CLASRP: variants seen among roughly 807,000 people sequenced by gnomAD.
CLASRP encodes CLK4-associating serine/arginine rich protein.
CLASRP carries 52 observed loss-of-function variants against 99.9 expected under a neutral mutation model. That is an observed-to-expected ratio of 0.52 (90% confidence interval 0.42 to 0.66). The LOEUF (loss-of-function observed/expected upper bound fraction) is 0.66. Among genes scored for constraint, CLASRP ranks in the 30% least tolerant of loss-of-function variants. CLASRP has a pLI of 0.00. For synonymous variants in CLASRP, 379 were observed against 373.0 expected, an observed-to-expected ratio of 1.02 and a Z score of -0.18; for missense variants, 848 against 999.2, an observed-to-expected ratio of 0.85 and a Z score of 2.04.
Position 45,068,428 on chromosome 19 carries a change from G to A in CLASRP, c.1716G>A (p.Leu572=). The change falls in exon 16 of 21, where the codon CTG becomes CTA. Residue 572 remains leucine (L), a synonymous_variant. Coordinates refer to ENST00000221455, the MANE Select transcript of CLASRP (RefSeq NM_007056.3). ...GKETGAAKPK[L]TPQEKLKLRM... ...TTCTCCCCCCTCCCCAGCCCAAGCT[G>A]ACGCCTCAGGAGAAGCTGAAACTGA... 1 of 1,608,902 alleles carries A rather than the reference G, an allele frequency of 6.2e-7. No individual in the cohort carries two copies.
At position 45,059,025 on chromosome 19, in the gene CLASRP, C is replaced by T. The variant is rs563929983; in HGVS notation, c.614-243C>T. On this transcript the variant is annotated intron_variant, in intron 7 of 20. Transcript: ENST00000221455. ...TCTCTCCCTTCTCTTTCCCTCCCTCCGTTCATCTGCCCCTTCAAGCCCTGT... is the reference window on the plus strand; with the variant it reads ...TCTCTCCCTTCTCTTTCCCTCCCTCTGTTCATCTGCCCCTTCAAGCCCTGT... Among the ~76,000 whole-genome samples the T allele has an allele frequency of 3.9e-5, 6 of 152,260 alleles. No homozygotes were observed. The East Asian group carries it at 5.8e-4, about 15-fold the overall frequency.
chr19:45,054,000 T>C (rs188237518), intron 5 of CLASRP, among the ~76,000 whole-genome samples: 1 of 152,256 alleles, frequency 6.6e-6, no homozygotes, highest in South Asian at 2.1e-4. Context: ...AAATTTCTCC[T>C]TGATTTAAAT....
rs754044984 is a variant in CLASRP at position 45,067,469 on chromosome 19, T to TAGCCCC, written c.1553_1558dup (p.Pro518_Ser519dup). Reference sequence around the variant, plus strand: ...GCAGCCTGACTCGCAGCCGCAGCCATAGCCCCAGCCCCAGCCAGAGCCGCA... The same window carrying TAGCCCC: ...GCAGCCTGACTCGCAGCCGCAGCCATAGCCCCAGCCCCAGCCCCAGCCAGAGCCGCA... On this transcript the variant is annotated inframe_insertion, in exon 14 of 21. Transcript: ENST00000221455. The surrounding 1 kb of genome is among the most constrained non-coding windows in gnomAD (Gnocchi z 4.9). The TAGCCCC allele has an allele frequency of 6.4e-5, 100 of 1,556,738 alleles. No individual in the cohort carries two copies. Among genetic ancestry groups the TAGCCCC allele is most frequent in the African/African-American group, 1.4e-4 (10 of 73,020 alleles).
At chr19:45,069,977 T>A (rs376676820) in intron 18 of CLASRP, 45 bp from the exon 19 acceptor site, 16 of 1,069,072 alleles carry the variant, frequency 1.5e-5, no homozygotes, top group Non-Finnish European at 2.3e-5. Context: ...CTGAGTTCAG[T>A]GTGTCCAGTG....
At position 45,069,332 on chromosome 19, in the gene CLASRP, G is replaced by T. The variant is rs796481192; in HGVS notation, c.1874+84G>T. On this transcript the variant is annotated intron_variant, in intron 18 of 20. Coordinates refer to ENST00000221455, the MANE Select transcript of CLASRP (RefSeq NM_007056.3). ...ACCATGGGCTGCTGGCTCAAGCCCTGCCCAGCTCCCTGTGGGTGGATGAAA... is the reference window on the plus strand; with the variant it reads ...ACCATGGGCTGCTGGCTCAAGCCCTTCCCAGCTCCCTGTGGGTGGATGAAA... 106 of 1,399,206 alleles carry T rather than the reference G, an allele frequency of 7.6e-5. No individual in the cohort carries two copies. In the African/African-American group the frequency reaches 1.3e-3, roughly 17 times the overall value. The allele number at this position is 1,399,206 out of a possible 1,614,324, so 86.7% of individuals were successfully genotyped here.
rs1230768991 is a variant in CLASRP at position 45,067,225 on chromosome 19, C to A, written c.1410-112C>A. 94 of 1,240,344 alleles carry A rather than the reference C, an allele frequency of 7.6e-5. No individual in the cohort carries two copies. Among genetic ancestry groups the A allele is most frequent in the Non-Finnish European group, 9.4e-5 (87 of 925,348 alleles). 76.8% of individuals were successfully genotyped at this position (1,240,344 alleles called of 1,614,324 possible). On this transcript the variant is annotated intron_variant, in intron 13 of 20. Transcript: ENST00000221455. This position sits in a 1 kb window ranked among gnomAD's most constrained non-coding sequence, Gnocchi z 4.9. The stretch of plus-strand genomic sequence containing the variant: ...AGAGTAGCAGGAGAGGAGAGTCGAG[C>A]CTGTCACCCTGGGCCTTGCAGGAAG...
chr19:45,049,429 T>C (rs1386420455), intron 2 of CLASRP, among the ~76,000 whole-genome samples: 1 of 152,212 alleles, frequency 6.6e-6, no homozygotes, highest in African/African-American at 2.4e-5. Context: ...GCCACCTCGC[T>C]GGGCCTGTGG....
At chr19:45,041,525 T>C (rs571572347) in intron 2 of CLASRP, among the ~76,000 whole-genome samples, 1 of 152,356 alleles carries the variant, frequency 6.6e-6, no homozygotes, top group East Asian at 1.9e-4. Context: ...TCAGTGTTCC[T>C]GTCAGATGAC....
chr19:45,040,359 G>A (rs984805952), intron 2 of CLASRP, 48 bp downstream of exon 2: 1 of 1,342,948 alleles, frequency 7.4e-7, no homozygotes, highest in African/African-American at 1.4e-5. Context: ...GGGTTGGGGG[G>A]CACAGCTGGT....
Position 45,050,962 on chromosome 19 carries a change from G to A in CLASRP, c.100-1109G>A, listed in dbSNP as rs146840667. ...TCGAACTCCTGACCTCAGGTGATCC[G>A]CCTGCCTCGGCCTCCCAAAGTGCTG... On this transcript the variant is annotated intron_variant, in intron 2 of 20. Coordinates refer to ENST00000221455, the MANE Select transcript of CLASRP (RefSeq NM_007056.3). 6.3e-3 allele frequency among the ~76,000 whole-genome samples: 950 copies of A among 151,970 alleles called. 10 individuals are homozygous for A. Among genetic ancestry groups the A allele is most frequent in the African/African-American group, 0.022 (892 of 41,486 alleles).
intron 2 of CLASRP, among the ~76,000 whole-genome samples, chr19:45,041,155 G>A (rs1362074181): frequency 6.6e-6 from 1 of 151,152 alleles, no homozygotes; most frequent in East Asian, 1.9e-4. Flanking sequence ...GGGGAGGGGG[G>A]CAGAGCGGAG....
In CLASRP at chr19:45,070,691, G is replaced by A. The variant is rs1489967725; in HGVS notation, c.1983-112G>A. ...TGGAGGGGCTGGTCTCATCCCTTGG[G>A]GAACATCCTTCCCTCCACAGACAAG... On this transcript the variant is annotated intron_variant, in intron 20 of 20. Coordinates refer to ENST00000221455, the MANE Select transcript of CLASRP (RefSeq NM_007056.3). 4.6e-6 allele frequency: 6 copies of A among 1,311,288 alleles called. No homozygotes were observed. The East Asian group carries it at 6.9e-5, about 15-fold the overall frequency. 81.2% of individuals were successfully genotyped at this position (1,311,288 alleles called of 1,614,324 possible).
At chr19:45,064,287 A>C in intron 12 of CLASRP, 56 bp from the exon 13 acceptor site, 1 of 1,515,508 alleles carries the variant, frequency 6.6e-7, no homozygotes, top group Non-Finnish European at 8.8e-7. Context: ...TACCCGGGGC[A>C]GAGGGGGGCC....
chr19:45,039,868 C>T, intron 1 of CLASRP: 1 of 200,196 alleles, frequency 5.0e-6, no homozygotes, highest in African/African-American at 2.3e-5. Context: ...GCCTTCTGAC[C>T]CTACTTCAAA....
Position 45,064,086 on chromosome 19 carries a change from C to T in CLASRP, c.980C>T (p.Thr327Met), listed in dbSNP as rs570991097. 5 of 1,610,182 alleles carry T rather than the reference C, an allele frequency of 3.1e-6. No homozygotes were observed. Among genetic ancestry groups the T allele is most frequent in the Admixed American group, 3.3e-5 (2 of 59,816 alleles). ...ACCCCGGGCCGCGAGGAGAAGATCA[C>T]GTTCATCACCAGTTTTGGGGGCAGC... ...SPTPGREEKI[T>M]FITSFGGSDE... Residue 327 changes from threonine to methionine, a missense_variant, in exon 12 of 21, where the codon ACG becomes ATG. By Grantham distance (81) the Thr-to-Met change is moderately conservative. Around this residue, in one of 8 missense-constraint regions of CLASRP, gnomAD observed 489 missense variants for 434.7 expected, o/e 1.12. Coordinates refer to ENST00000221455, the MANE Select transcript of CLASRP (RefSeq NM_007056.3).
intron 2 of CLASRP, among the ~76,000 whole-genome samples, chr19:45,042,713 A>G (rs1055961683): frequency 6.6e-6 from 1 of 151,804 alleles, no homozygotes; most frequent in Non-Finnish European, 1.5e-5. Context: ...CCCAGGTTCA[A>G]GCTATTCTCC....
At chr19:45,065,223 T>C (rs1180276925) in intron 13 of CLASRP, among the ~76,000 whole-genome samples, 2 of 151,362 alleles carry the variant, frequency 1.3e-5, no homozygotes, top group Non-Finnish European at 2.9e-5. Context: ...TGAAACCCCG[T>C]CTCTACTGAA....
At chr19:45,044,318 G>T (rs1302741506) in intron 2 of CLASRP, among the ~76,000 whole-genome samples, 1 of 152,236 alleles carries the variant, frequency 6.6e-6, no homozygotes, top group Non-Finnish European at 1.5e-5. Flanking sequence ...AACAGCTAAC[G>T]CTGTTGGGCA....
chr19:45,051,727 G>T (rs1972026530), intron 2 of CLASRP, among the ~76,000 whole-genome samples: 1 of 152,062 alleles, frequency 6.6e-6, no homozygotes, highest in Non-Finnish European at 1.5e-5. Context: ...CCAGCACTTT[G>T]GGAGGCTGAG....
Sources: allele counts gnomAD v4.1 joint callset (sites outside exome capture counted in the v4.1 genomes callset), GRCh38; gene constraint gnomAD v4.1.1; regional missense constraint gnomAD v4.1.1; non-coding constraint Gnocchi (gnomAD v3.1); transcripts MANE v1.5; gene names NCBI Gene and HGNC (gene_info 2026-07-23, HGNC 2026-07-21).